XXYLT1: variants seen among roughly 807,000 people sequenced by gnomAD.
XXYLT1 encodes the protein xyloside xylosyltransferase 1.
Under a neutral mutation model 28.9 loss-of-function variants are expected in XXYLT1, and 20 were observed. The ratio of observed to expected loss-of-function variants is 0.69; its 90% CI spans 0.49 to 1.00. The LOEUF (loss-of-function observed/expected upper bound fraction) is 1.00. XXYLT1 is among the 50% of genes least tolerant of loss of function. The pLI, the probability that XXYLT1 is intolerant of heterozygous loss-of-function variation, is 0.00. For synonymous variants in XXYLT1, 257 were observed against 253.8 expected (o/e 1.01, Z -0.12); for missense variants, 542 against 560.1 (o/e 0.97, Z 0.33).
At chr3:195,134,021 C>T (rs1468195827) in intron 3 of XXYLT1, among the ~76,000 whole-genome samples, 2 of 151,942 alleles carry the variant, frequency 1.3e-5, no homozygotes, top group Non-Finnish European at 2.9e-5. Flanking sequence ...AGACCAACCT[C>T]GGCAATATAG....
chr3:195,238,462 G>GCA (rs1045981070), intron 1 of XXYLT1, among the ~76,000 whole-genome samples: 1 of 152,214 alleles, frequency 6.6e-6, no homozygotes, highest in African/African-American at 2.4e-5. Context: ...CTCCTCGTAG[G>GCA]CAGAGGCCGT....
intron 1 of XXYLT1, among the ~76,000 whole-genome samples, chr3:195,252,723 C>CAGAGAG (rs1465288212): frequency 9.3e-5 from 12 of 129,226 alleles, no homozygotes; most frequent in African/African-American, 3.6e-4. Flanking sequence ...CACACACACA[C>CAGAGAG]ACACAGAGAG....
chr3:195,109,746 G>GGT (rs1717389821), intron 3 of XXYLT1, among the ~76,000 whole-genome samples: 1 of 22,414 alleles, frequency 4.5e-5, no homozygotes, highest in African/African-American at 9.5e-5. Flanking sequence ...TATGTGTTCA[G>GGT]GTATGTATGT....
chr3:195,264,787 G>A (rs557493553), intron 1 of XXYLT1, among the ~76,000 whole-genome samples: 37 of 152,142 alleles, frequency 2.4e-4, no homozygotes, highest in Non-Finnish European at 4.9e-4. Flanking sequence ...ATGCACAGCC[G>A]GGCGTGTTGG....
At chr3:195,080,179 C>A (rs1291861452) in intron 3 of XXYLT1, among the ~76,000 whole-genome samples, 2 of 152,156 alleles carry the variant, frequency 1.3e-5, no homozygotes, top group Non-Finnish European at 2.9e-5. Flanking sequence ...GAAAAGTTGG[C>A]TCCCCAAGCC....
rs552090308 is a variant in XXYLT1, at chr3:195,111,641, C to T, written c.786-41530G>A. On this transcript the variant is annotated intron_variant, in intron 3 of 3. Coordinates refer to ENST00000310380, the MANE Select transcript of XXYLT1 (RefSeq NM_152531.5). ...ACACGCTGATTGTGACCAAGCTGAA[C>T]GAGTATTATACTATCACTGGCCCAC... 2.6e-5 allele frequency among the ~76,000 whole-genome samples: 4 copies of T among 152,256 alleles called. No homozygotes were observed. The East Asian group carries it at 5.8e-4, about 22-fold the overall frequency.
intron 1 of XXYLT1, among the ~76,000 whole-genome samples, chr3:195,242,959 C>G (rs1236000781): frequency 6.6e-6 from 1 of 151,854 alleles, no homozygotes; most frequent in African/African-American, 2.4e-5. Flanking sequence ...GTTCGGCAAC[C>G]CAAATGCCCA....
intron 3 of XXYLT1, among the ~76,000 whole-genome samples, chr3:195,101,191 G>A (rs1716753387): frequency 6.6e-6 from 1 of 152,270 alleles, no homozygotes. Flanking sequence ...TCTTGCCAGT[G>A]CTATGCCGTC....
chr3:195,238,173 G>A (rs1047168051), intron 1 of XXYLT1, among the ~76,000 whole-genome samples: 1 of 152,172 alleles, frequency 6.6e-6, no homozygotes, highest in African/African-American at 2.4e-5. Context: ...GTGTGACTGG[G>A]CAGCACTGAA....
chr3:195,174,658 TCCCTCCCTCCTTTCCTTCCCTCCC>T (rs1425264069), intron 2 of XXYLT1, among the ~76,000 whole-genome samples: 2 of 149,664 alleles, frequency 1.3e-5, no homozygotes, highest in African/African-American at 2.5e-5. Flanking sequence ...CTTCCCTCTT[TCCCTCCCTCCTTTCCTTCCCTCCC>T]CCCTCCCTCC....
In XXYLT1 at chr3:195,270,278, C is replaced by A. The variant is rs551472528; in HGVS notation, c.504+277G>T. The stretch of plus-strand genomic sequence containing the variant: ...CTGCAACGTTAGCAAAATGGGGGCG[C>A]GCGGACTCTCCTGGGGGCTGCGCTT... On this transcript the variant is annotated intron_variant, in intron 1 of 3. Transcript: ENST00000310380. 7 of 664,960 alleles carry A rather than the reference C, an allele frequency of 1.1e-5. No individual in the cohort carries two copies. The South Asian group carries it at 1.3e-4, about 12-fold the overall frequency. 41.2% of individuals were successfully genotyped at this position (664,960 alleles called of 1,614,324 possible).
intron 2 of XXYLT1, among the ~76,000 whole-genome samples, chr3:195,166,509 C>T (rs1012386972): frequency 6.6e-6 from 1 of 152,182 alleles, no homozygotes; most frequent in Non-Finnish European, 1.5e-5. Context: ...CACCCCAATA[C>T]TATTTCATCC....
At chr3:195,114,014 A>G (rs1461595171) in intron 3 of XXYLT1, among the ~76,000 whole-genome samples, 1 of 152,236 alleles carries the variant, frequency 6.6e-6, no homozygotes, top group Non-Finnish European at 1.5e-5. Flanking sequence ...TCTGGGAGCC[A>G]TGAGTGCCCA....
chr3:195,175,171 A>C (rs985899762), intron 2 of XXYLT1, among the ~76,000 whole-genome samples: 1 of 152,212 alleles, frequency 6.6e-6, no homozygotes, highest in African/African-American at 2.4e-5. Flanking sequence ...GTTGAGCATC[A>C]AATTCTGCCA....
intron 2 of XXYLT1, among the ~76,000 whole-genome samples, chr3:195,196,723 A>G (rs905037381): frequency 6.6e-6 from 1 of 152,222 alleles, no homozygotes; most frequent in Non-Finnish European, 1.5e-5. Flanking sequence ...GTAAAAGCAA[A>G]TGTAACAGGA....
rs192041020 is a variant in XXYLT1 at position 195,145,475 on chromosome 3, C to T, written c.785+10974G>A. 1.8e-3 allele frequency among the ~76,000 whole-genome samples: 269 copies of T among 149,852 alleles called. 1 individual carries two copies. In the South Asian group the frequency reaches 0.02, roughly 11 times the overall value. ...GGCCCTGCGAGCATCTCTGTGAAGC[C>T]ACATGAATGGGCACCTCACTCCACG... is the stretch of plus-strand genomic sequence containing the variant. On this transcript the variant is annotated intron_variant, in intron 3 of 3. Coordinates refer to ENST00000310380, the MANE Select transcript of XXYLT1 (RefSeq NM_152531.5).
intron 3 of XXYLT1, among the ~76,000 whole-genome samples, chr3:195,142,142 T>C (rs574768608): frequency 6.6e-6 from 1 of 152,250 alleles, no homozygotes; most frequent in East Asian, 1.9e-4. Flanking sequence ...CTTCCGACCC[T>C]CCCTGCTCCA....
At chr3:195,138,830 G>C (rs1257010418) in intron 3 of XXYLT1, among the ~76,000 whole-genome samples, 6 of 146,396 alleles carry the variant, frequency 4.1e-5, no homozygotes. Flanking sequence ...AGTCCAGCCT[G>C]GGCAACAAAG....
chr3:195,074,706 A>C (rs111828586), intron 3 of XXYLT1, among the ~76,000 whole-genome samples: 18 of 152,248 alleles, frequency 1.2e-4, no homozygotes, highest in African/African-American at 3.9e-4. Flanking sequence ...TCTTGGTCCT[A>C]CCTGGAGCTA....
Sources: allele counts gnomAD v4.1 joint callset (sites outside exome capture counted in the v4.1 genomes callset), GRCh38; gene constraint gnomAD v4.1.1; transcripts MANE v1.5; gene names NCBI Gene and HGNC (gene_info 2026-07-23, HGNC 2026-07-21).